BCO1: variants seen among roughly 807,000 people sequenced by gnomAD.
BCO1 encodes beta-carotene oxygenase 1.
In BCO1, 54 loss-of-function variants were observed where a neutral mutation model predicts 56.3. The observed-to-expected ratio is 0.96, with a 90% CI of 0.77 to 1.20. BCO1 has a LOEUF of 1.20. Ranked by LOEUF, BCO1 falls within the 50% of genes most tolerant of loss-of-function variation. The pLI, the probability that BCO1 is intolerant of heterozygous loss-of-function variation, is 0.00. For missense variants in BCO1, 801 were observed against 690.9 expected (o/e 1.16, Z -1.79); for synonymous variants, 318 against 266.1 (o/e 1.20, Z -1.90).
chr16:81,245,662 C>G, intron 2 of BCO1, 59 bp downstream of exon 2: 2 of 1,604,658 alleles, frequency 1.2e-6, no homozygotes, highest in Non-Finnish European at 1.7e-6. Context: ...AATGCAGTGC[C>G]TTAAAACAGC....
chr16:81,290,675 C>T lies in BCO1; in HGVS notation c.*98C>T. 1.1e-6 allele frequency: 1 copy of T among 932,554 alleles called. No individual in the cohort carries two copies. The highest frequency in any genetic ancestry group is 1.6e-6 in the Non-Finnish European group (1 of 607,152). The allele number at this position is 932,554 out of a possible 1,614,324, so 57.8% of individuals were successfully genotyped here. On this transcript the variant is annotated 3_prime_UTR_variant, in exon 11 of 11. Coordinates refer to ENST00000258168, the MANE Select transcript of BCO1 (RefSeq NM_017429.3). ...GGGAGGGCCTTTGTTACCTTTTGCA[C>T]TTATTCTTTCTGTGGGTGCTTTGAC... is the stretch of plus-strand genomic sequence containing the variant.
intron 7 of BCO1, among the ~76,000 whole-genome samples, 186 bp from the exon 8 acceptor site, chr16:81,280,661 ACCTTAAATGG>A (rs1281402553): frequency 1.3e-5 from 2 of 152,180 alleles, no homozygotes; most frequent in East Asian, 3.8e-4. Flanking sequence ...TGGAGGAGTC[ACCTTAAATGG>A]CCAATCCTCA....
At chr16:81,276,199 C>T (rs1312213854) in intron 7 of BCO1, among the ~76,000 whole-genome samples, 1 of 152,230 alleles carries the variant, frequency 6.6e-6, no homozygotes, top group Non-Finnish European at 1.5e-5. Flanking sequence ...CTTTTCTGCT[C>T]TTAGACCCTG....
In BCO1 at chr16:81,267,430, T is replaced by C. The variant is rs1567455488; in HGVS notation, c.620-478T>C. 1.3e-5 allele frequency among the ~76,000 whole-genome samples: 2 copies of C among 152,136 alleles called. 1 individual carries two copies. The highest frequency in any genetic ancestry group is 2.9e-5 in the Non-Finnish European group (2 of 68,020). ...GAGTTCGAGAACAGCCTGGCCAACA[T>C]GGCAAAACCCCATCTCTACTAAAAA... On this transcript the variant is annotated intron_variant, in intron 5 of 10. Transcript: ENST00000258168.
At chr16:81,286,883 C>A (rs1207877586) in intron 9 of BCO1, among the ~76,000 whole-genome samples, 1 of 151,412 alleles carries the variant, frequency 6.6e-6, no homozygotes, top group East Asian at 2.0e-4. Context: ...TCAAGACCAA[C>A]CTGGCTATGG....
intron 8 of BCO1, among the ~76,000 whole-genome samples, chr16:81,282,817 T>A (rs965171451): frequency 1.3e-5 from 2 of 152,140 alleles, no homozygotes; most frequent in Non-Finnish European, 2.9e-5. Flanking sequence ...CCATCATGCA[T>A]GGATTGTGTG....
intron 7 of BCO1, among the ~76,000 whole-genome samples, chr16:81,275,600 A>G (rs1907508078): frequency 6.6e-6 from 1 of 152,234 alleles, no homozygotes; most frequent in Non-Finnish European, 1.5e-5. Flanking sequence ...CATCTGCTGC[A>G]CTCAGAGGGT....
intron 3 of BCO1, among the ~76,000 whole-genome samples, chr16:81,260,191 G>A (rs1460946971): frequency 3.3e-5 from 5 of 151,924 alleles, no homozygotes; most frequent in Admixed American, 6.6e-5. Flanking sequence ...TTCATTAAAA[G>A]AGGACTGGTT....
chr16:81,264,385 A>T (rs1404125333), intron 4 of BCO1, among the ~76,000 whole-genome samples: 1 of 152,156 alleles, frequency 6.6e-6, no homozygotes, highest in Admixed American at 6.5e-5. Flanking sequence ...CCTGCAACCT[A>T]TTAGCTGTCT....
chr16:81,250,186 T>G (rs921056520), intron 2 of BCO1, among the ~76,000 whole-genome samples: 1 of 152,092 alleles, frequency 6.6e-6, no homozygotes, highest in Non-Finnish European at 1.5e-5. Flanking sequence ...AGAGGCCAAG[T>G]CACTTACCCA....
chr16:81,290,319 C>A, intron 10 of BCO1, 29 bp from the exon 11 acceptor site: 1 of 1,574,704 alleles, frequency 6.4e-7, no homozygotes, highest in Non-Finnish European at 8.7e-7. Context: ...TGCACTTTTA[C>A]GAAGTGTTTT....
chr16:81,248,390 C>G (rs11643291), intron 2 of BCO1, among the ~76,000 whole-genome samples: 1 of 132,572 alleles, frequency 7.5e-6, no homozygotes, highest in East Asian at 2.3e-4. Context: ...GCAACAAGAG[C>G]GAGGCTCCCT....
At chr16:81,248,935 T>G (rs1468299151) in intron 2 of BCO1, among the ~76,000 whole-genome samples, 1 of 152,034 alleles carries the variant, frequency 6.6e-6, no homozygotes, top group Non-Finnish European at 1.5e-5. Flanking sequence ...TTGCTTGAAC[T>G]CAAGAGGCAG....
chr16:81,243,549 A>T (rs1567696878), intron 1 of BCO1, among the ~76,000 whole-genome samples: 1 of 151,494 alleles, frequency 6.6e-6, no homozygotes, highest in East Asian at 1.9e-4. Context: ...GCTCACTGCA[A>T]CCTCCCCCTT....
chr16:81,264,407 A>C (rs1001761512), intron 4 of BCO1, among the ~76,000 whole-genome samples: 1 of 152,164 alleles, frequency 6.6e-6, no homozygotes, highest in African/African-American at 2.4e-5. Flanking sequence ...AGTCCCTCAA[A>C]TCCCCATGTG....
chr16:81,245,644 G>T, intron 2 of BCO1, 41 bp downstream of exon 2: 1 of 1,613,542 alleles, frequency 6.2e-7, no homozygotes. Context: ...CTGCAGCAAA[G>T]GACCCCAAAT....
chr16:81,274,553 T>C (rs934876654), intron 7 of BCO1, among the ~76,000 whole-genome samples: 1 of 148,906 alleles, frequency 6.7e-6, no homozygotes, highest in Non-Finnish European at 1.5e-5. Flanking sequence ...CGTGAGCCAC[T>C]GCGCCCAGCC....
chr16:81,290,244 TTAGA>T, intron 10 of BCO1, 100 bp from the exon 11 acceptor site: 3 of 955,796 alleles, frequency 3.1e-6, no homozygotes, highest in Non-Finnish European at 1.7e-6. Context: ...CCTGTTTTGG[TTAGA>T]TACATATGTT....
intron 6 of BCO1, among the ~76,000 whole-genome samples, chr16:81,269,065 C>CTTTTTTTTTTTTT (rs71146003): frequency 2.4e-5 from 2 of 83,070 alleles, no homozygotes; most frequent in Non-Finnish European, 4.4e-5. Context: ...TGCACCTGGT[C>CTTTTTTTTTTTTT]TTTTTTTTTT....
Sources: gnomAD v4.1 joint callset for allele counts (sites outside exome capture counted in the v4.1 genomes callset) on GRCh38, gnomAD v4.1.1 for gene constraint, MANE v1.5 for transcripts, NCBI Gene and HGNC (gene_info 2026-07-23, HGNC 2026-07-21) for gene names.